Variants in SIPA1L2 observed in about 807,000 individuals in gnomAD.
The protein encoded by SIPA1L2 is signal induced proliferation associated 1 like 2, also known as signal-induced proliferation-associated 1-like protein 2.
Under a neutral mutation model 163.9 loss-of-function variants are expected in SIPA1L2, and 56 were observed. The observed-to-expected ratio is 0.34, with a 90% CI of 0.28 to 0.43. The LOEUF is 0.43. Among genes scored for constraint, SIPA1L2 ranks in the 20% least tolerant of loss-of-function variants. The probability of loss-of-function intolerance (pLI) is 1.00; values close to 1 mark genes in which losing one functional copy is unlikely to be tolerated. For synonymous variants in SIPA1L2, 877 were observed against 865.7 expected (o/e 1.01, Z -0.23); for missense variants, 1,974 against 2,193.5 (o/e 0.90, Z 2.00).
At chr1:232,411,758 T>C (rs1464004839) in intron 19 of SIPA1L2, among the ~76,000 whole-genome samples, 2 of 152,212 alleles carry the variant, frequency 1.3e-5, no homozygotes, top group South Asian at 2.1e-4. Context: ...TCTCTGGGTG[T>C]AGTCCAGATT....
intron 15 of SIPA1L2, among the ~76,000 whole-genome samples, chr1:232,435,444 A>G (rs943010319): frequency 1.3e-5 from 2 of 152,242 alleles, no homozygotes; most frequent in African/African-American, 2.4e-5. Context: ...TCTGATGCTG[A>G]TAACATTCTA....
At chr1:232,464,113 T>C (rs1664387132) in intron 9 of SIPA1L2, among the ~76,000 whole-genome samples, 1 of 152,190 alleles carries the variant, frequency 6.6e-6, no homozygotes, top group South Asian at 2.1e-4. Context: ...CAAAGCATGT[T>C]TTTTTCTTAT....
chr1:232,479,541 C>T, intron 7 of SIPA1L2, 86 bp downstream of exon 7: 1 of 1,036,384 alleles, frequency 9.6e-7, no homozygotes. Context: ...TGATTCTTTG[C>T]AAGTTCTACA....
chr1:232,618,316 C>A (rs1040415786), intron 1 of SIPA1L2, among the ~76,000 whole-genome samples: 2 of 152,136 alleles, frequency 1.3e-5, no homozygotes, highest in Admixed American at 6.5e-5. Flanking sequence ...TCAGGCGAGG[C>A]GAGCTCTTTT....
chr1:232,537,809 G>A (rs892399496), intron 2 of SIPA1L2, among the ~76,000 whole-genome samples: 3 of 152,182 alleles, frequency 2.0e-5, no homozygotes, highest in Non-Finnish European at 4.4e-5. Flanking sequence ...AGGCAGGTAA[G>A]GCTTAGAATA....
intron 1 of SIPA1L2, among the ~76,000 whole-genome samples, chr1:232,624,458 AG>A (rs1203226682): frequency 6.6e-6 from 1 of 152,262 alleles, no homozygotes. Context: ...CTGACTTCAC[AG>A]GACACTATGT....
chr1:232,466,937 A>G (rs752095083), intron 8 of SIPA1L2, among the ~76,000 whole-genome samples: 4 of 152,240 alleles, frequency 2.6e-5, no homozygotes, highest in Non-Finnish European at 4.4e-5. Context: ...TATTAATCCC[A>G]CATCTGCCCA....
chr1:232,543,661 G>A lies in SIPA1L2; in HGVS notation c.-269-28053C>T, dbSNP rs532878951. The stretch of plus-strand genomic sequence containing the variant: ...AGGAGGGAGGACAGCCTGAGGCCAG[G>A]AGTTGAAGCCCAGCCTAGGCAACAC... On this transcript the variant is annotated intron_variant, in intron 2 of 22. Transcript: ENST00000674635. 1.5e-4 allele frequency among the ~76,000 whole-genome samples: 23 copies of A among 152,298 alleles called. No individual in the cohort carries two copies. The East Asian group carries it at 4.3e-3, about 28-fold the overall frequency.
chr1:232,413,439 C>T (rs1478791083), intron 19 of SIPA1L2, among the ~76,000 whole-genome samples: 1 of 152,064 alleles, frequency 6.6e-6, no homozygotes, highest in South Asian at 2.1e-4. Flanking sequence ...TCATTCTGTT[C>T]TGAAGGAACA....
chr1:232,541,900 A>C (rs1657703992), intron 2 of SIPA1L2, among the ~76,000 whole-genome samples: 1 of 149,690 alleles, frequency 6.7e-6, no homozygotes, highest in Non-Finnish European at 1.5e-5. Context: ...GAACTGGGGC[A>C]GGGAAAGAAT....
chr1:232,435,309 T>C (rs561930058), intron 15 of SIPA1L2, among the ~76,000 whole-genome samples: 2 of 152,364 alleles, frequency 1.3e-5, no homozygotes, highest in African/African-American at 4.8e-5. Context: ...TCATTAGAAA[T>C]GTATTTTATC....
At chr1:232,625,818 C>A (rs1019943364) in intron 1 of SIPA1L2, among the ~76,000 whole-genome samples, 6 of 152,178 alleles carry the variant, frequency 3.9e-5, no homozygotes, top group Non-Finnish European at 8.8e-5. Context: ...GTGGAAATCA[C>A]CACCCGTTAC....
chr1:232,485,317 A>G (rs1665593113), intron 5 of SIPA1L2, among the ~76,000 whole-genome samples: 1 of 152,236 alleles, frequency 6.6e-6, no homozygotes, highest in African/African-American at 2.4e-5. Context: ...CTGCATAGCG[A>G]GAAAAATGAT....
intron 4 of SIPA1L2, 97 bp downstream of exon 4, chr1:232,493,430 A>G: frequency 1.4e-6 from 2 of 1,438,418 alleles, no homozygotes; most frequent in Non-Finnish European, 9.4e-7. Context: ...ACATTAAAAA[A>G]AAATAAATTC....
chr1:232,562,316 G>C (rs965374793), intron 2 of SIPA1L2, among the ~76,000 whole-genome samples: 2 of 152,194 alleles, frequency 1.3e-5, no homozygotes, highest in African/African-American at 4.8e-5. Flanking sequence ...ATAACTTAAA[G>C]TCTATCCCCT....
rs1664780443 is a variant in SIPA1L2, at chr1:232,471,219, G to A, written c.2243+152C>T. 4 of 804,044 alleles carry A rather than the reference G, an allele frequency of 5.0e-6. No individual in the cohort carries two copies. In the South Asian group the frequency reaches 7.0e-5, roughly 14 times the overall value. 49.8% of individuals were successfully genotyped at this position (804,044 alleles called of 1,614,324 possible). ...TTCACTTTTTCAAGGGGATAAAATGGGAAGAAGGCAATTATTTCTTACAGA... is the reference window on the plus strand; with the variant it reads ...TTCACTTTTTCAAGGGGATAAAATGAGAAGAAGGCAATTATTTCTTACAGA... On this transcript the variant is annotated intron_variant, in intron 8 of 22. Coordinates refer to ENST00000674635, the MANE Select transcript of SIPA1L2 (RefSeq NM_020808.5).
rs750406001 is a variant in SIPA1L2, at chr1:232,439,248, C to G, written c.3891G>C (p.Trp1297Cys). Residue 1297 changes from tryptophan (W) to cysteine (C), a missense_variant, in exon 15 of 23, where the codon TGG (tryptophan) becomes TGC (cysteine). Coordinates refer to ENST00000674635, the MANE Select transcript of SIPA1L2 (RefSeq NM_020808.5). ...GCCCAGAGACGTCGGCAGCATCAGC[C>G]CACTGCTCGGCCCGGCTGTGGATCA... is the stretch of plus-strand genomic sequence containing the variant. Reference protein sequence around the residue: ...RSLIHSRAEQWADAADVSGPD... With the variant: ...RSLIHSRAEQCADAADVSGPD... 2.7e-5 allele frequency: 43 copies of G among 1,613,956 alleles called. No homozygotes were observed. Among genetic ancestry groups the G allele is most frequent in the Non-Finnish European group, 4.2e-6 (5 of 1,180,052 alleles).
intron 15 of SIPA1L2, among the ~76,000 whole-genome samples, chr1:232,434,194 A>T (rs1174037458): frequency 6.6e-6 from 1 of 152,218 alleles, no homozygotes; most frequent in Admixed American, 6.5e-5. Context: ...CTTTTCTGAT[A>T]CATGTATAAA....
chr1:232,602,985 G>A (rs1433856795), intron 1 of SIPA1L2, among the ~76,000 whole-genome samples: 1 of 152,166 alleles, frequency 6.6e-6, no homozygotes, highest in Non-Finnish European at 1.5e-5. Context: ...ATTCAATGAA[G>A]GATGACATGT....
Sources: gnomAD v4.1 joint callset for allele counts (sites outside exome capture counted in the v4.1 genomes callset) on GRCh38, gnomAD v4.1.1 for gene constraint, MANE v1.5 for transcripts, NCBI Gene and HGNC (gene_info 2026-07-23, HGNC 2026-07-21) for gene names.